Variants in MYH7B observed in about 807,000 individuals in gnomAD.
The protein encoded by MYH7B is myosin heavy chain 7B.
Under a neutral mutation model 234.5 loss-of-function variants are expected in MYH7B, and 205 were observed. The ratio of observed to expected loss-of-function variants is 0.87; its 90% confidence interval spans 0.78 to 0.98. The LOEUF (loss-of-function observed/expected upper bound fraction) is 0.98. Among genes scored for constraint, MYH7B ranks in the 50% least tolerant of loss-of-function variants. The pLI is 0.00. For synonymous variants in MYH7B, 1,193 were observed against 1,105.0 expected, an observed-to-expected ratio of 1.08 and a Z score of -1.58; for missense variants, 2,652 against 2,633.4, an observed-to-expected ratio of 1.01 and a Z score of -0.15.
exon 19 of MYH7B, chr20:34,988,242 T>C: frequency 1.2e-6 from 2 of 1,613,364 alleles, no homozygotes; most frequent in Non-Finnish European, 1.7e-6. Context: ...CCTGCAGCCT[T>C]GCATCGACCT....
At chr20:34,988,393 C>T (rs1456664775) in intron 19 of MYH7B, 131 bp downstream of exon 19, 2 of 1,030,018 alleles carry the variant, frequency 1.9e-6, no homozygotes, top group African/African-American at 1.6e-5. Context: ...TTGCAGTAAG[C>T]ATGCATGTGA....
chr20:35,001,835 T>G lies in MYH7B; in HGVS notation c.5677-113T>G. 2.7e-6 allele frequency: 4 copies of G among 1,478,240 alleles called. No individual in the cohort carries two copies. In the African/African-American group the frequency reaches 4.2e-5, roughly 16 times the overall value. The allele number at this position is 1,478,240 out of a possible 1,614,324, so 91.6% of individuals were successfully genotyped here. ...TATTGGTGAGGATGGACAGTGGCAA[T>G]AGGAACAAAGTTGAGAACCAGGAGG... On this transcript the variant is annotated intron_variant, in intron 43 of 44. Transcript: ENST00000262873.
intron 25 of MYH7B, 44 bp downstream of exon 25, chr20:34,993,269 C>T: frequency 6.2e-7 from 1 of 1,613,932 alleles, no homozygotes; most frequent in Non-Finnish European, 8.5e-7. Flanking sequence ...CTGTGGCGGT[C>T]ACACTGGGCA....
At chr20:34,999,550 T>C (rs779185295) in intron 36 of MYH7B, 21 bp from the exon 37 acceptor site, 1 of 1,580,812 alleles carries the variant, frequency 6.3e-7, no homozygotes, top group Non-Finnish European at 8.6e-7. Context: ...GGGTGGCCTC[T>C]CAGCACCCTG....
intron 2 of MYH7B, 125 bp from the exon 3 acceptor site, chr20:34,975,275 G>GTGGTTGT: frequency 2.2e-6 from 1 of 462,842 alleles, no homozygotes; most frequent in Non-Finnish European, 3.8e-6. Context: ...TGTGATCTCG[G>GTGGTTGT]CGCACTGTAA....
exon 19 of MYH7B, chr20:34,988,121 C>T (rs1600441883): frequency 6.2e-7 from 1 of 1,614,086 alleles, no homozygotes; most frequent in South Asian, 1.1e-5. Context: ...TGTGCATCAA[C>T]TTCACCAATG....
Position 34,984,789 on chromosome 20 carries a change from G to A in MYH7B, c.649-65G>A, listed in dbSNP as rs184109423. The A allele has an allele frequency of 2.3e-3, 3,759 of 1,602,538 alleles. 73 individuals carry two copies. The African/African-American group carries it at 0.044, about 19-fold the overall frequency. ...CCTCTGCACAACAGAGGGGCCACGG[G>A]TGGCTCTGGCCTCCCGGTGGGTAGG... On this transcript the variant is annotated intron_variant, in intron 11 of 44. Coordinates refer to ENST00000262873, the Ensembl canonical transcript of MYH7B.
chr20:35,000,257 T>A, intron 38 of MYH7B, 36 bp from the exon 39 acceptor site: 1 of 1,539,104 alleles, frequency 6.5e-7, no homozygotes, highest in Non-Finnish European at 8.7e-7. Context: ...GGTATGCCCT[T>A]ACGAGACCCC....
At chr20:34,984,608 C>T in intron 10 of MYH7B, 84 bp from the exon 11 acceptor site, 1 of 1,295,860 alleles carries the variant, frequency 7.7e-7, no homozygotes, top group South Asian at 1.2e-5. Flanking sequence ...CTGCTGCCCG[C>T]TGCCTCCCGC....
At chr20:34,978,482 A>C (rs1011211206) in intron 5 of MYH7B, among the ~76,000 whole-genome samples, 1 of 152,194 alleles carries the variant, frequency 6.6e-6, no homozygotes, top group East Asian at 1.9e-4. Context: ...GCAGAGCCAA[A>C]GCCACCCTTT....
At chr20:34,997,796 CA>C (rs2082292701) in intron 32 of MYH7B, among the ~76,000 whole-genome samples, 156 bp downstream of exon 32, 1 of 152,134 alleles carries the variant, frequency 6.6e-6, no homozygotes. Context: ...AGCCTCCTAC[CA>C]GTCCTGACCT....
intron 7 of MYH7B, 84 bp downstream of exon 7, chr20:34,979,888 A>G (rs1263152384): frequency 1.7e-4 from 245 of 1,400,458 alleles, no homozygotes; most frequent in Admixed American, 4.5e-4. Context: ...GCGGGCCCAT[A>G]GCGGTGGGGC....
At chr20:34,998,268 C>A in intron 32 of MYH7B, 27 bp from the exon 33 acceptor site, 1 of 1,612,498 alleles carries the variant, frequency 6.2e-7, no homozygotes, top group Non-Finnish European at 8.5e-7. Flanking sequence ...TAACTCCTGA[C>A]CCCTGACTCC....
chr20:34,975,324 C>T (rs1023370815), intron 2 of MYH7B, 76 bp from the exon 3 acceptor site: 4 of 503,972 alleles, frequency 7.9e-6, no homozygotes, highest in Non-Finnish European at 1.4e-5. Flanking sequence ...CCCACCTCAG[C>T]CTCCTGAGTA....
rs200752124 is a variant in MYH7B, at chr20:35,000,252, G to A, written c.4782-41G>A. On this transcript the variant is annotated intron_variant, in intron 38 of 44. Transcript: ENST00000262873. Reference sequence around the variant, plus strand: ...CTTGGGCATTTGTAAGGACAGGTATGCCCTTACGAGACCCCCTTTCATGCC... The same window carrying A: ...CTTGGGCATTTGTAAGGACAGGTATACCCTTACGAGACCCCCTTTCATGCC... The A allele has an allele frequency of 1.1e-4, 162 of 1,535,736 alleles. 1 individual carries two copies. The African/African-American group carries it at 2.1e-3, about 20-fold the overall frequency.
intron 19 of MYH7B, among the ~76,000 whole-genome samples, chr20:34,988,806 C>CTTTTT (rs36001113): frequency 8.8e-6 from 1 of 113,234 alleles, no homozygotes; most frequent in Non-Finnish European, 1.8e-5. Flanking sequence ...TCCTTTATCC[C>CTTTTT]TTTTTTTTTT....
intron 10 of MYH7B, 111 bp from the exon 11 acceptor site, chr20:34,984,580 TA>T: frequency 4.3e-6 from 4 of 933,110 alleles, no homozygotes; most frequent in Non-Finnish European, 5.0e-6. Context: ...TTCCGGTGAC[TA>T]ACTCCACCCC....
chr20:34,975,723 A>G (rs894228621), intron 3 of MYH7B, among the ~76,000 whole-genome samples: 1 of 151,600 alleles, frequency 6.6e-6, no homozygotes, highest in African/African-American at 2.4e-5. Context: ...TTGGCACTGT[A>G]ATTTTTTTTT....
At position 35,001,170 on chromosome 20, in the gene MYH7B, C is replaced by A. The variant is rs544975602; in HGVS notation, c.5475+12C>A. The A allele has an allele frequency of 1.2e-6, 2 of 1,610,568 alleles. No individual in the cohort carries two copies. The highest frequency in any genetic ancestry group is 1.7e-6 in the Non-Finnish European group (2 of 1,177,542). On this transcript the variant is annotated intron_variant, in intron 41 of 44. Coordinates refer to ENST00000262873, the Ensembl canonical transcript of MYH7B. ...AGCTGGAGGCCAAGGTGTGTGCAGC[C>A]CCTCTAGTCCTTGGCGCAGGCAGGG...
Sources: allele counts gnomAD v4.1 joint callset (sites outside exome capture counted in the v4.1 genomes callset), GRCh38; gene constraint gnomAD v4.1.1; transcripts MANE v1.5; gene names NCBI Gene and HGNC (gene_info 2026-07-23, HGNC 2026-07-21).